Variants in NSMAF observed in about 807,000 individuals in gnomAD.
NSMAF encodes protein FAN.
Under a neutral mutation model 134.9 loss-of-function variants are expected in NSMAF, and 90 were observed. That is an observed-to-expected ratio of 0.67 (90% CI 0.56 to 0.79). The LOEUF is 0.79. Among genes scored for constraint, NSMAF ranks in the 30% least tolerant of loss-of-function variants. The pLI is 0.00. For synonymous variants in NSMAF, 358 were observed against 389.6 expected, an observed-to-expected ratio of 0.92 and a Z score of 0.96; for missense variants, 1,010 against 1,119.0, an observed-to-expected ratio of 0.90 and a Z score of 1.39.
intron 19 of NSMAF, among the ~76,000 whole-genome samples, chr8:58,598,750 C>T (rs937787368): frequency 1.3e-5 from 2 of 152,070 alleles, no homozygotes; most frequent in African/African-American, 4.8e-5. Context: ...GGGCTGGGCG[C>T]AGTGGCTCAC....
rs184761648 is a variant in NSMAF at position 58,619,927 on chromosome 8, T to C, written c.557+3293A>G. ...TGAAGACATAAGTGAAAAAGGAAAA[T>C]AAGGTCTGGGGCCCTGCACTACCAG... On this transcript the variant is annotated intron_variant, in intron 9 of 30. Transcript: ENST00000038176. Among the ~76,000 whole-genome samples the C allele has an allele frequency of 9.9e-4, 150 of 152,110 alleles. 1 individual carries two copies. The highest frequency in any genetic ancestry group is 3.1e-3 in the African/African-American group (130 of 41,498).
intron 6 of NSMAF, among the ~76,000 whole-genome samples, chr8:58,630,682 C>A (rs750588646): frequency 2.6e-5 from 4 of 152,194 alleles, no homozygotes; most frequent in Non-Finnish European, 5.9e-5. Context: ...CCAAAAGCAC[C>A]ACTTGAGAAT....
At chr8:58,590,408 C>G (rs775892226) in intron 24 of NSMAF, among the ~76,000 whole-genome samples, 4 of 152,152 alleles carry the variant, frequency 2.6e-5, no homozygotes, top group East Asian at 1.9e-4. Context: ...GAAAATACCC[C>G]CTCTGGACTA....
chr8:58,605,356 C>T (rs1806380067), intron 12 of NSMAF, among the ~76,000 whole-genome samples: 1 of 152,158 alleles, frequency 6.6e-6, no homozygotes, highest in South Asian at 2.1e-4. Context: ...TAACTCACTG[C>T]CTCGCAGTAC....
At chr8:58,631,608 C>A (rs556136876) in intron 5 of NSMAF, 62 bp from the exon 6 acceptor site, 41 of 886,768 alleles carry the variant, frequency 4.6e-5, no homozygotes, top group African/African-American at 1.6e-4. Context: ...TAAAGAGTAA[C>A]TACAAATCAG....
At chr8:58,631,579 T>C (rs781484121) in intron 5 of NSMAF, 33 bp from the exon 6 acceptor site, 4 of 1,235,576 alleles carry the variant, frequency 3.2e-6, no homozygotes, top group Non-Finnish European at 4.6e-6. Context: ...TGTAAAATAA[T>C]AACCAAAATG....
chr8:58,654,962 G>A (rs1055058446), intron 1 of NSMAF, among the ~76,000 whole-genome samples: 2 of 151,914 alleles, frequency 1.3e-5, no homozygotes, highest in African/African-American at 4.8e-5. Context: ...AGTCTCCCGA[G>A]TAGCTGGGAT....
intron 1 of NSMAF, 59 bp downstream of exon 1, chr8:58,659,514 T>G: frequency 1.1e-5 from 15 of 1,391,930 alleles, no homozygotes; most frequent in East Asian, 1.0e-4. Context: ...CCGGCCGGCG[T>G]CCCCACGACC....
intron 27 of NSMAF, 94 bp downstream of exon 27, chr8:58,587,524 G>A (rs1167581546): frequency 2.1e-6 from 2 of 946,264 alleles, no homozygotes; most frequent in African/African-American, 1.6e-5. Context: ...ACCAAATAAA[G>A]CAAAACAACA....
chr8:58,597,767 TC>T, intron 20 of NSMAF, 92 bp downstream of exon 20: 1 of 1,037,248 alleles, frequency 9.6e-7, no homozygotes, highest in South Asian at 1.4e-5. Flanking sequence ...TTTTAAAATT[TC>T]CATACCTCAA....
intron 26 of NSMAF, among the ~76,000 whole-genome samples, chr8:58,587,946 G>A (rs1805929228): frequency 6.6e-6 from 1 of 152,128 alleles, no homozygotes; most frequent in Non-Finnish European, 1.5e-5. Context: ...GTAATCGTGT[G>A]ACTTTAGTAT....
At chr8:58,655,364 C>T (rs914910320) in intron 1 of NSMAF, among the ~76,000 whole-genome samples, 6 of 151,806 alleles carry the variant, frequency 4.0e-5, no homozygotes, top group African/African-American at 1.4e-4. Context: ...AATTTGCCTA[C>T]TTTAGTCTAC....
intron 11 of NSMAF, among the ~76,000 whole-genome samples, chr8:58,606,303 T>C (rs1275486304): frequency 2.0e-5 from 3 of 152,202 alleles, no homozygotes; most frequent in Non-Finnish European, 4.4e-5. Context: ...TGTTGAATAT[T>C]TTCATTAATA....
chr8:58,620,977 T>C (rs1378217054), intron 9 of NSMAF, among the ~76,000 whole-genome samples: 1 of 152,186 alleles, frequency 6.6e-6, no homozygotes, highest in Non-Finnish European at 1.5e-5. Flanking sequence ...AGTTTCAGGG[T>C]ACATATGCAG....
intron 21 of NSMAF, among the ~76,000 whole-genome samples, 172 bp downstream of exon 21, chr8:58,597,215 A>C (rs1806156613): frequency 6.6e-6 from 1 of 152,246 alleles, no homozygotes; most frequent in Non-Finnish European, 1.5e-5. Flanking sequence ...AGCTGAAAAC[A>C]AACAACATCA....
At chr8:58,606,197 TAC>T (rs1028514193) in intron 11 of NSMAF, among the ~76,000 whole-genome samples, 162 bp from the exon 12 acceptor site, 54 of 152,268 alleles carry the variant, frequency 3.5e-4, no homozygotes, top group African/African-American at 1.3e-3. Context: ...GTGATATATA[TAC>T]ACATATACGT....
intron 13 of NSMAF, among the ~76,000 whole-genome samples, chr8:58,602,927 C>T (rs1806317944): frequency 6.6e-6 from 1 of 152,042 alleles, no homozygotes; most frequent in South Asian, 2.1e-4. Context: ...AAACGTGGTA[C>T]TTATAGGTAA....
intron 11 of NSMAF, 111 bp from the exon 12 acceptor site, chr8:58,606,146 T>G: frequency 1.1e-6 from 1 of 925,306 alleles, no homozygotes. Context: ...TGTTTATTTT[T>G]ATAACTTATA....
intron 11 of NSMAF, 139 bp downstream of exon 11, chr8:58,607,630 C>T: frequency 3.0e-6 from 2 of 666,316 alleles, no homozygotes; most frequent in South Asian, 1.9e-5. Flanking sequence ...AAAGAAAGAA[C>T]AGCAAAATCA....
Sources: gnomAD v4.1 joint callset for allele counts (sites outside exome capture counted in the v4.1 genomes callset) on GRCh38, gnomAD v4.1.1 for gene constraint, MANE v1.5 for transcripts, NCBI Gene and HGNC (gene_info 2026-07-23, HGNC 2026-07-21) for gene names.